The following ZDHHC21 variants were observed in gnomAD, a reference collection of about 807,000 sequenced individuals.
ZDHHC21 encodes the protein zDHHC palmitoyltransferase 21, also known as palmitoyltransferase ZDHHC21.
In ZDHHC21, 15 loss-of-function variants were observed where a neutral mutation model predicts 34.6. The observed-to-expected ratio is 0.43, with a 90% CI of 0.29 to 0.67. The LOEUF is 0.67. ZDHHC21 is among the 30% of genes least tolerant of loss of function. The probability of loss-of-function intolerance (pLI) is 0.14; values close to 1 mark genes in which losing one functional copy is unlikely to be tolerated. For missense variants in ZDHHC21, 344 were observed against 327.7 expected (o/e 1.05, Z -0.38); for synonymous variants, 142 against 101.8 (o/e 1.40, Z -2.38).
intron 8 of ZDHHC21, among the ~76,000 whole-genome samples, chr9:14,620,820 A>G (rs1421167233): frequency 1.3e-5 from 2 of 152,068 alleles, no homozygotes; most frequent in African/African-American, 2.4e-5. Flanking sequence ...ACATAGTTTC[A>G]TTTACACATT....
At chr9:14,648,473 TCACTC>T (rs376784154) in intron 7 of ZDHHC21, among the ~76,000 whole-genome samples, 13 of 152,174 alleles carry the variant, frequency 8.5e-5, no homozygotes, top group African/African-American at 3.1e-4. Flanking sequence ...TGTCCCTAAC[TCACTC>T]CACTCAAGAT....
At chr9:14,675,784 C>A (rs776002150) in intron 3 of ZDHHC21, among the ~76,000 whole-genome samples, 1 of 151,768 alleles carries the variant, frequency 6.6e-6, no homozygotes, top group Non-Finnish European at 1.5e-5. Context: ...GAAGATGGGA[C>A]CAGTTAAACG....
chr9:14,647,398 C>T (rs1156413220), intron 7 of ZDHHC21, among the ~76,000 whole-genome samples: 1 of 152,066 alleles, frequency 6.6e-6, no homozygotes, highest in Non-Finnish European at 1.5e-5. Flanking sequence ...AACTTATATC[C>T]TAATCTCAAT....
chr9:14,654,241 A>G (rs756495711), intron 7 of ZDHHC21, among the ~76,000 whole-genome samples: 2 of 152,100 alleles, frequency 1.3e-5, no homozygotes, highest in African/African-American at 4.8e-5. Context: ...AGACAAATCC[A>G]GCAATCAAGA....
At chr9:14,602,379 A>G in the ZDHHC21 span, among the ~76,000 whole-genome samples, 1 of 152,094 alleles carries the variant, frequency 6.6e-6, no homozygotes, top group African/African-American at 2.4e-5. Context: ...TGGGAGTTCC[A>G]TGAGATGAGA....
intron 2 of ZDHHC21, among the ~76,000 whole-genome samples, chr9:14,684,234 T>C (rs1837908122): frequency 6.6e-6 from 1 of 151,462 alleles, no homozygotes; most frequent in Admixed American, 6.6e-5. Context: ...ATAAAGGGTA[T>C]TCAATTAGGA....
chr9:14,653,677 C>T (rs62535363), intron 7 of ZDHHC21, among the ~76,000 whole-genome samples: 7,987 of 151,980 alleles, frequency 0.053, 272 homozygotes, highest in Admixed American at 0.11. Flanking sequence ...GACCTTATGG[C>T]CACAGAAGTT....
intron 7 of ZDHHC21, among the ~76,000 whole-genome samples, chr9:14,655,898 T>C (rs925250397): frequency 1.3e-5 from 2 of 151,630 alleles, no homozygotes; most frequent in African/African-American, 4.8e-5. Context: ...GTAAGGCACA[T>C]TATGAGACAC....
At chr9:14,648,724 G>T (rs951117234) in intron 7 of ZDHHC21, among the ~76,000 whole-genome samples, 2 of 152,154 alleles carry the variant, frequency 1.3e-5, no homozygotes, top group East Asian at 3.9e-4. Flanking sequence ...GAGCCTAGAC[G>T]AAGGGGAAGT....
intron 8 of ZDHHC21, among the ~76,000 whole-genome samples, chr9:14,629,262 G>C (rs1266058946): frequency 6.6e-6 from 1 of 152,146 alleles, no homozygotes; most frequent in South Asian, 2.1e-4. Context: ...TTCAACAAAT[G>C]TGGTTTCCAC....
intron 5 of ZDHHC21, among the ~76,000 whole-genome samples, chr9:14,669,883 T>G (rs1455558068): frequency 3.0e-5 from 4 of 133,002 alleles, no homozygotes; most frequent in Non-Finnish European, 4.8e-5. Flanking sequence ...AGGGATAGCA[T>G]TGGGAGATAT....
chr9:14,623,928 C>T lies in ZDHHC21; in HGVS notation c.622-4246G>A, dbSNP rs181983307. Among the ~76,000 whole-genome samples, 203 of 151,994 alleles carry T rather than the reference C, an allele frequency of 1.3e-3. 1 individual carries two copies. The highest frequency in any genetic ancestry group is 4.2e-3 in the African/African-American group (175 of 41,478). ...ACTCTTGTTGGGGAAAGTGTAAATC[C>T]ATGCAGTCATTATAAAAAACAGTAT... On this transcript the variant is annotated intron_variant, in intron 8 of 9. Transcript: ENST00000380916.
rs942556036 is a variant in ZDHHC21 at position 14,614,587 on chromosome 9, C to G, written c.*4379G>C. ...TACTGTGGAATATTCTAGAATTCAACTGAGAATGACTAAATATAGAGCACA... is the reference window on the plus strand; with the variant it reads ...TACTGTGGAATATTCTAGAATTCAAGTGAGAATGACTAAATATAGAGCACA... On this transcript the variant is annotated 3_prime_UTR_variant, in exon 10 of 10. Coordinates refer to ENST00000380916, the MANE Select transcript of ZDHHC21 (RefSeq NM_178566.6). The G allele has an allele frequency of 6.6e-6, 1 of 151,620 alleles. No individual in the cohort carries two copies. Among genetic ancestry groups the G allele is most frequent in the Non-Finnish European group, 1.5e-5 (1 of 67,696 alleles). 9.4% of individuals were successfully genotyped at this position (151,620 alleles called of 1,614,324 possible). A position where few individuals can be genotyped will look rare whatever the true frequency, so the allele number is the denominator to read the frequency against.
chr9:14,678,019 G>T (rs17216147), intron 3 of ZDHHC21, among the ~76,000 whole-genome samples: 8,106 of 152,022 alleles, frequency 0.053, 281 homozygotes, highest in Admixed American at 0.11. Flanking sequence ...TAGCCTAAGC[G>T]GTCCTGTTTA....
At chr9:14,647,213 T>C (rs1247733882) in intron 7 of ZDHHC21, among the ~76,000 whole-genome samples, 1 of 152,106 alleles carries the variant, frequency 6.6e-6, no homozygotes, top group Non-Finnish European at 1.5e-5. Flanking sequence ...TCCTATCTCA[T>C]AATCTTTTAG....
chr9:14,654,359 C>T (rs188380986), intron 7 of ZDHHC21, among the ~76,000 whole-genome samples: 9 of 151,022 alleles, frequency 6.0e-5, no homozygotes, highest in Admixed American at 1.3e-4. Flanking sequence ...TATACAAACC[C>T]CTGATTGGAT....
chr9:14,593,480 C>T, the ZDHHC21 span: 1 of 152,212 alleles, frequency 6.6e-6, no homozygotes, highest in Non-Finnish European at 1.5e-5. Flanking sequence ...ATCTTCTCCA[C>T]CCTGTGCTGG....
chr9:14,675,977 A>C (rs1453488694), intron 3 of ZDHHC21, among the ~76,000 whole-genome samples: 2 of 151,982 alleles, frequency 1.3e-5, no homozygotes, highest in African/African-American at 4.8e-5. Flanking sequence ...CTTTCTGTGG[A>C]GAGTGAGTGC....
At chr9:14,624,376 G>A (rs1586910619) in intron 8 of ZDHHC21, among the ~76,000 whole-genome samples, 2 of 152,202 alleles carry the variant, frequency 1.3e-5, no homozygotes, top group Admixed American at 1.3e-4. Context: ...AGAGTCCCAT[G>A]TTTATTGCAG....
Sources: gnomAD v4.1 joint callset for allele counts (sites outside exome capture counted in the v4.1 genomes callset) on GRCh38, gnomAD v4.1.1 for gene constraint, MANE v1.5 for transcripts, NCBI Gene and HGNC (gene_info 2026-07-23, HGNC 2026-07-21) for gene names.